Variants in CORO2B observed in about 807,000 individuals in gnomAD.
CORO2B encodes coronin 2B.
A neutral mutation model predicts 58.8 loss-of-function variants in CORO2B; 26 were observed. That is an observed-to-expected ratio of 0.44 (90% confidence interval 0.32 to 0.61). The LOEUF is 0.61. Ranked by LOEUF, CORO2B falls within the 20% of genes least tolerant of loss-of-function variation. The probability of loss-of-function intolerance (pLI) is 0.04; values close to 1 mark genes in which losing one functional copy is unlikely to be tolerated. For synonymous variants in CORO2B, 242 were observed against 253.8 expected, an observed-to-expected ratio of 0.95 and a Z score of 0.44; for missense variants, 460 against 645.1, an observed-to-expected ratio of 0.71 and a Z score of 3.11.
At chr15:68,559,139 C>G in the CORO2B span, among the ~76,000 whole-genome samples, 2 of 152,036 alleles carry the variant, frequency 1.3e-5, no homozygotes, top group African/African-American at 4.8e-5. This position sits in a 1 kb window ranked among gnomAD's most constrained non-coding sequence, Gnocchi z 4.3. Context: ...GCCGGCACCC[C>G]ACGGGGGCAG....
intron 2 of CORO2B, among the ~76,000 whole-genome samples, chr15:68,683,104 C>T (rs999010721): frequency 1.3e-5 from 2 of 152,184 alleles, no homozygotes; most frequent in South Asian, 2.1e-4. Flanking sequence ...GGCCAAAAAG[C>T]GAAGGGCAGA....
intron 1 of CORO2B, among the ~76,000 whole-genome samples, chr15:68,603,738 G>T (rs757791794): frequency 4.6e-5 from 7 of 152,098 alleles, no homozygotes; most frequent in Admixed American, 2.0e-4. Flanking sequence ...CAGGAAGAGA[G>T]GCCTCACCAG....
the CORO2B span, among the ~76,000 whole-genome samples, chr15:68,559,087 C>T: frequency 6.6e-6 from 1 of 152,014 alleles, no homozygotes; most frequent in Non-Finnish European, 1.5e-5. The surrounding 1 kb of genome is among the most constrained non-coding windows in gnomAD (Gnocchi z 4.3). Context: ...GGGTAAATAC[C>T]TAGAAATGCG....
chr15:68,581,214 C>T (rs893959905), intron 1 of CORO2B, among the ~76,000 whole-genome samples: 8 of 152,172 alleles, frequency 5.3e-5, no homozygotes, highest in Non-Finnish European at 1.0e-4. Context: ...TCCTCCACCC[C>T]CATACCCAGC....
At chr15:68,568,346 T>C in the CORO2B span, among the ~76,000 whole-genome samples, 6 of 151,976 alleles carry the variant, frequency 3.9e-5, no homozygotes, top group South Asian at 1.2e-3. Flanking sequence ...TGAGGTAATG[T>C]GTATAGAGTG....
At chr15:68,567,892 C>T in the CORO2B span, among the ~76,000 whole-genome samples, 8 of 152,048 alleles carry the variant, frequency 5.3e-5, no homozygotes, top group African/African-American at 1.7e-4. Flanking sequence ...TGGTGGCAGG[C>T]GCCTGTAATC....
intron 2 of CORO2B, among the ~76,000 whole-genome samples, chr15:68,681,943 G>T (rs1902803362): frequency 6.6e-6 from 1 of 152,190 alleles, no homozygotes; most frequent in African/African-American, 2.4e-5. Flanking sequence ...CTAGAGCTGG[G>T]ACAGTGGAGA....
chr15:68,635,762 T>C (rs1050538370), intron 1 of CORO2B, among the ~76,000 whole-genome samples: 1 of 152,212 alleles, frequency 6.6e-6, no homozygotes, highest in Non-Finnish European at 1.5e-5. Context: ...GATCTGGTCC[T>C]GCAAATAGGG....
At chr15:68,633,975 G>T (rs1900944308) in intron 1 of CORO2B, among the ~76,000 whole-genome samples, 1 of 152,256 alleles carries the variant, frequency 6.6e-6, no homozygotes. Context: ...CTGAACACGG[G>T]ATCCCGGTTA....
chr15:68,620,501 T>C (rs1484878968), intron 1 of CORO2B, among the ~76,000 whole-genome samples: 2 of 152,134 alleles, frequency 1.3e-5, no homozygotes, highest in Non-Finnish European at 2.9e-5. Context: ...AGAACACTTG[T>C]CCATGAGTCT....
chr15:68,577,057 C>T (rs1228332740), upstream of CORO2B, among the ~76,000 whole-genome samples: 1 of 152,122 alleles, frequency 6.6e-6, no homozygotes, highest in East Asian at 1.9e-4. Flanking sequence ...TCCTGGCAGG[C>T]AAGCAACGTG....
intron 5 of CORO2B, 63 bp downstream of exon 5, chr15:68,711,769 G>A: frequency 1.3e-6 from 2 of 1,592,018 alleles, no homozygotes. Flanking sequence ...TCAGCTTTCA[G>A]CAGGCCTGGA....
chr15:68,654,280 G>C lies in CORO2B; in HGVS notation c.216+8920G>C, dbSNP rs73425136. Among the ~76,000 whole-genome samples, 1,347 of 152,358 alleles carry C rather than the reference G, an allele frequency of 8.8e-3. 21 individuals carry two copies. Among genetic ancestry groups the C allele is most frequent in the African/African-American group, 0.031 (1,298 of 41,578 alleles). On this transcript the variant is annotated intron_variant, in intron 2 of 11. Transcript: ENST00000261861. Reference sequence around the variant, plus strand: ...GGGTGTTCTCTGGATTTGGAGTCCAGGGGGCCAGAGATGCAGCCTGGCTAG... The same window carrying C: ...GGGTGTTCTCTGGATTTGGAGTCCACGGGGCCAGAGATGCAGCCTGGCTAG...
intron 2 of CORO2B, among the ~76,000 whole-genome samples, chr15:68,672,227 T>G (rs972474499): frequency 2.0e-5 from 3 of 151,298 alleles, no homozygotes; most frequent in Non-Finnish European, 2.9e-5. Flanking sequence ...TGAGTATGCA[T>G]AATTTTCTGG....
At chr15:68,525,851 A>G in the CORO2B span, among the ~76,000 whole-genome samples, 14 of 152,228 alleles carry the variant, frequency 9.2e-5, no homozygotes, top group African/African-American at 3.4e-4. Context: ...CATGTACAAC[A>G]TCAAAATCAA....
intron 2 of CORO2B, among the ~76,000 whole-genome samples, chr15:68,662,918 AC>A (rs1333799664): frequency 2.6e-5 from 4 of 152,104 alleles, no homozygotes; most frequent in Admixed American, 2.0e-4. Flanking sequence ...TTTATGACAT[AC>A]CTTTTTCTTA....
chr15:68,584,340 G>A lies in CORO2B; in HGVS notation c.15+5063G>A, dbSNP rs367780401. Reference sequence around the variant, plus strand: ...AGGCCCTGTGTTCCCCTCCCCCGAGGCACTGCCACCTTGACACCTATGGCA... The same window carrying A: ...AGGCCCTGTGTTCCCCTCCCCCGAGACACTGCCACCTTGACACCTATGGCA... On this transcript the variant is annotated intron_variant, in intron 1 of 11. Transcript: ENST00000261861. 3.3e-5 allele frequency among the ~76,000 whole-genome samples: 5 copies of A among 152,306 alleles called. 1 individual carries two copies.
chr15:68,623,065 T>A (rs1900571859), intron 1 of CORO2B, among the ~76,000 whole-genome samples: 1 of 152,132 alleles, frequency 6.6e-6, no homozygotes, highest in Admixed American at 6.5e-5. Flanking sequence ...CTCTGGAGAC[T>A]GAGGCAGGAG....
At chr15:68,586,761 G>C (rs1255338348) in intron 1 of CORO2B, among the ~76,000 whole-genome samples, 1 of 152,048 alleles carries the variant, frequency 6.6e-6, no homozygotes, top group East Asian at 1.9e-4. Context: ...GACCCTGGCT[G>C]CTTCTAAAAC....
Sources: gnomAD v4.1 joint callset for allele counts (sites outside exome capture counted in the v4.1 genomes callset) on GRCh38, gnomAD v4.1.1 for gene constraint, Gnocchi (gnomAD v3.1) non-coding constraint, MANE v1.5 for transcripts, NCBI Gene and HGNC (gene_info 2026-07-23, HGNC 2026-07-21) for gene names.